Variants in RAI1 observed in about 807,000 individuals in gnomAD.
The protein encoded by RAI1 is retinoic acid induced 1, also known as retinoic acid-induced protein 1.
A neutral mutation model predicts 123.8 loss-of-function variants in RAI1; 9 were observed. The observed-to-expected ratio is 0.07, with a 90% CI of 0.04 to 0.13. The LOEUF (loss-of-function observed/expected upper bound fraction) is 0.13. RAI1 is among the 10% of genes least tolerant of loss of function. The pLI is 1.00. For missense variants in RAI1, 2,256 were observed against 2,545.8 expected, an observed-to-expected ratio of 0.89 and a Z score of 2.45; for synonymous variants, 1,231 against 1,127.3, an observed-to-expected ratio of 1.09 and a Z score of -1.84.
At chr17:17,700,777 C>T (rs1202003701) in intron 1 of RAI1, among the ~76,000 whole-genome samples, 1 of 152,150 alleles carries the variant, frequency 6.6e-6, no homozygotes, top group Non-Finnish European at 1.5e-5. Context: ...GAGATCCGCT[C>T]GCCCGCTCCC....
chr17:17,771,135 CT>C (rs1185332430), intron 2 of RAI1, among the ~76,000 whole-genome samples: 1 of 152,178 alleles, frequency 6.6e-6, no homozygotes, highest in Non-Finnish European at 1.5e-5. Flanking sequence ...GGCCATGCCC[CT>C]GACCCTGCCC....
chr17:17,703,972 T>C (rs536487241), intron 1 of RAI1, among the ~76,000 whole-genome samples: 38 of 152,336 alleles, frequency 2.5e-4, no homozygotes, highest in South Asian at 1.2e-3. Context: ...GGTCTCCCTA[T>C]TGGGGACTGA....
At chr17:17,780,494 C>T (rs1316853458) in intron 2 of RAI1, among the ~76,000 whole-genome samples, 1 of 152,224 alleles carries the variant, frequency 6.6e-6, no homozygotes, top group Non-Finnish European at 1.5e-5. Flanking sequence ...ACGGGCATCT[C>T]CCCGATTGAG....
In RAI1 at chr17:17,800,002, A is replaced by T. The variant is rs969042606; in HGVS notation, c.5565+1489A>T. The stretch of plus-strand genomic sequence containing the variant: ...GGCTGGAGACCTTCTCCACGCCCAG[A>T]CGCCCTGCCCACCTCACTCCACCCT... On this transcript the variant is annotated intron_variant, in intron 3 of 5. Transcript: ENST00000353383. This position sits in a 1 kb window ranked among gnomAD's most constrained non-coding sequence, Gnocchi z 4.7. 2.0e-5 allele frequency among the ~76,000 whole-genome samples: 3 copies of T among 151,506 alleles called. No homozygotes were observed. Among genetic ancestry groups the T allele is most frequent in the African/African-American group, 7.3e-5 (3 of 41,188 alleles).
chr17:17,772,491 C>T (rs2073398316), intron 2 of RAI1, among the ~76,000 whole-genome samples: 1 of 152,200 alleles, frequency 6.6e-6, no homozygotes, highest in Admixed American at 6.5e-5. Context: ...TCCCCGTGGC[C>T]CTCACCACAA....
At chr17:17,692,941 G>C (rs762907101) in intron 1 of RAI1, among the ~76,000 whole-genome samples, 3 of 152,194 alleles carry the variant, frequency 2.0e-5, no homozygotes, top group Non-Finnish European at 4.4e-5. Flanking sequence ...TATCAGTGTT[G>C]GGTTTCTTTA....
At chr17:17,694,037 CCAGT>C (rs1487759801) in intron 1 of RAI1, among the ~76,000 whole-genome samples, 2 of 152,228 alleles carry the variant, frequency 1.3e-5, no homozygotes, top group Non-Finnish European at 2.9e-5. Context: ...CTGTCCTGGC[CCAGT>C]CAGTGTCTGC....
At chr17:17,696,975 C>G (rs1055815421) in intron 1 of RAI1, among the ~76,000 whole-genome samples, 1 of 152,232 alleles carries the variant, frequency 6.6e-6, no homozygotes, top group Non-Finnish European at 1.5e-5. Flanking sequence ...CCCCTCTTCT[C>G]TAGCCTCTCT....
intron 2 of RAI1, among the ~76,000 whole-genome samples, chr17:17,727,144 C>T (rs1337777299): frequency 2.6e-5 from 4 of 152,208 alleles, no homozygotes; most frequent in Admixed American, 6.5e-5. Context: ...GTGGGAGAAA[C>T]GGCTTCTCTA....
At chr17:17,750,716 AAAG>A (rs1278081954) in intron 2 of RAI1, among the ~76,000 whole-genome samples, 3 of 151,620 alleles carry the variant, frequency 2.0e-5, no homozygotes, top group Non-Finnish European at 2.9e-5. Flanking sequence ...AAAAAAAAGA[AAAG>A]AAACACATGA....
chr17:17,798,330 G>T lies in RAI1; in HGVS notation c.5382G>T (p.Glu1794Asp). 6.3e-7 allele frequency: 1 copy of T among 1,599,938 alleles called. No homozygotes were observed. The highest frequency in any genetic ancestry group is 2.3e-5 in the East Asian group (1 of 44,354). The part of the protein sequence containing the change: ...YCCDGREDGG[E>D]EAAPADKGRK... The stretch of plus-strand genomic sequence containing the variant: ...GTGATGGCCGGGAGGATGGGGGCGA[G>T]GAGGCAGCCCCAGCCGACAAGGGTC... The change falls in exon 3 of 6, where the codon GAG becomes GAT. Residue 1794 changes from glutamate (E) to aspartate (D), a missense_variant. By Grantham distance (45) the Glu-to-Asp change is conservative. Transcript: ENST00000353383.
At chr17:17,774,442 G>A (rs1426065075) in intron 2 of RAI1, among the ~76,000 whole-genome samples, 1 of 152,250 alleles carries the variant, frequency 6.6e-6, no homozygotes, top group Non-Finnish European at 1.5e-5. Flanking sequence ...AGGGGCCTGG[G>A]GCCGCAGGGG....
At chr17:17,767,433 G>A (rs1033280231) in intron 2 of RAI1, among the ~76,000 whole-genome samples, 2 of 151,806 alleles carry the variant, frequency 1.3e-5, no homozygotes, top group Non-Finnish European at 2.9e-5. Flanking sequence ...AGATACTAAA[G>A]AATGTAAAGA....
At position 17,797,948 on chromosome 17, in the gene RAI1, C is replaced by T; in HGVS notation, c.5000C>T (p.Ser1667Phe). Residue 1667 changes from serine to phenylalanine, a missense_variant, in exon 3 of 6, where the codon TCC becomes TTC. By Grantham distance (155) the Ser-to-Phe change is radical. Coordinates refer to ENST00000353383, the MANE Select transcript of RAI1 (RefSeq NM_030665.4). ...ILQPRPSLPL[S>F]STMHLGPVVS... ...CAGCCGCGGCCCTCCTTGCCCCTCT[C>T]CTCCACGATGCACTTGGGGCCTGTG... 1.2e-6 allele frequency: 2 copies of T among 1,614,084 alleles called. No homozygotes were observed. Among genetic ancestry groups the T allele is most frequent in the Non-Finnish European group, 1.7e-6 (2 of 1,180,008 alleles).
At chr17:17,757,018 T>G (rs866153996) in intron 2 of RAI1, among the ~76,000 whole-genome samples, 2 of 152,262 alleles carry the variant, frequency 1.3e-5, no homozygotes, top group Middle Eastern at 6.8e-3. Flanking sequence ...CTGTGTACAC[T>G]TCACCCTATC....
At chr17:17,687,314 T>G (rs895940769) in intron 1 of RAI1, among the ~76,000 whole-genome samples, 2 of 152,166 alleles carry the variant, frequency 1.3e-5, no homozygotes, top group Non-Finnish European at 2.9e-5. Flanking sequence ...CTGGGGAGTC[T>G]TCCTTTCCTC....
rs375317999 is a variant in RAI1 at position 17,798,312 on chromosome 17, C to T, written c.5364C>T (p.Gly1788=). ...RRLQSCYCCD[G]REDGGEEAAP... is the part of the protein sequence containing the mutation. Reference sequence around the variant, plus strand: ...TGCAGAGCTGCTACTGCTGTGATGGCCGGGAGGATGGGGGCGAGGAGGCAG... The same window carrying T: ...TGCAGAGCTGCTACTGCTGTGATGGTCGGGAGGATGGGGGCGAGGAGGCAG... The change falls in exon 3 of 6, where the codon GGC becomes GGT. Residue 1788 remains glycine (G), a synonymous_variant. Coordinates refer to ENST00000353383, the MANE Select transcript of RAI1 (RefSeq NM_030665.4). 5.0e-6 allele frequency: 8 copies of T among 1,595,694 alleles called. No individual in the cohort carries two copies. In the African/African-American group the frequency reaches 8.0e-5, roughly 16 times the overall value.
Position 17,719,901 on chromosome 17 carries a change from T to C in RAI1, c.-148-4127T>C, listed in dbSNP as rs536633087. On this transcript the variant is annotated intron_variant, in intron 1 of 5. Transcript: ENST00000353383. ...TTGCTGCCCCACTACTCAATAAACA[T>C]GTGGAATAGATGTTAAAACCTGGCC... is the stretch of plus-strand genomic sequence containing the variant. Among the ~76,000 whole-genome samples the C allele has an allele frequency of 4.6e-5, 7 of 152,246 alleles. No homozygotes were observed. In the South Asian group the frequency reaches 1.5e-3, roughly 32 times the overall value.
intron 2 of RAI1, among the ~76,000 whole-genome samples, chr17:17,769,129 A>G (rs1426910468): frequency 6.9e-6 from 1 of 144,384 alleles, no homozygotes; most frequent in East Asian, 1.9e-4. Flanking sequence ...GGAAATTAGA[A>G]AGAAGAAATG....
Sources: allele counts gnomAD v4.1 joint callset (sites outside exome capture counted in the v4.1 genomes callset), GRCh38; gene constraint gnomAD v4.1.1; non-coding constraint Gnocchi (gnomAD v3.1); transcripts MANE v1.5; gene names NCBI Gene and HGNC (gene_info 2026-07-23, HGNC 2026-07-21).